The following U2AF2 variants were observed in gnomAD, a reference collection of about 807,000 sequenced individuals.
U2AF2 encodes U2 small nuclear RNA auxiliary factor 2.
U2AF2 carries 6 observed loss-of-function variants against 52.6 expected under a neutral mutation model. That is an observed-to-expected ratio of 0.11 (90% CI 0.06 to 0.23). The LOEUF is 0.23. Among genes scored for constraint, U2AF2 ranks in the 10% least tolerant of loss-of-function variants. U2AF2 has a pLI of 1.00. For missense variants in U2AF2, 222 were observed against 677.1 expected (o/e 0.33, Z 7.46); for synonymous variants, 284 against 258.2 (o/e 1.10, Z -0.96).
chr19:55,666,554 G>C (rs893365715), intron 7 of U2AF2, among the ~76,000 whole-genome samples: 4 of 152,230 alleles, frequency 2.6e-5, no homozygotes, highest in African/African-American at 9.6e-5. Flanking sequence ...CGGGCCATGG[G>C]GACTGCCGTG....
At chr19:55,673,259 C>G (rs1385890584) in intron 11 of U2AF2, among the ~76,000 whole-genome samples, 1 of 151,744 alleles carries the variant, frequency 6.6e-6, no homozygotes, top group East Asian at 1.9e-4. Context: ...GGATCCATAT[C>G]AGGTCCCTGC....
intron 11 of U2AF2, among the ~76,000 whole-genome samples, chr19:55,672,808 A>T (rs1043708264): frequency 2.7e-5 from 4 of 149,632 alleles, no homozygotes; most frequent in Admixed American, 2.0e-4. Flanking sequence ...CACCTGGTTA[A>T]TTTTTTTTGT....
chr19:55,671,011 T>C (rs1266772920), intron 11 of U2AF2, among the ~76,000 whole-genome samples: 4 of 152,192 alleles, frequency 2.6e-5, no homozygotes, highest in Admixed American at 6.5e-5. Flanking sequence ...CAAGGCTGGC[T>C]CTGCAGGGCC....
At chr19:55,660,155 AC>A in intron 2 of U2AF2, 21 bp from the exon 3 acceptor site, 1 of 1,576,474 alleles carries the variant, frequency 6.3e-7, no homozygotes, top group South Asian at 1.1e-5. Context: ...CCCTCCCCAT[AC>A]CTTTCCCTCC....
At chr19:55,661,533 CACACACACAG>C (rs775484458) in intron 5 of U2AF2, among the ~76,000 whole-genome samples, 1 of 149,388 alleles carries the variant, frequency 6.7e-6, no homozygotes, top group Non-Finnish European at 1.5e-5. Flanking sequence ...CACACACACA[CACACACACAG>C]ACGCACGCTG....
rs1983984633 is a variant in U2AF2, at chr19:55,659,075, C to T, written c.50-135C>T. ...TGTGGACCCAGGAGGCCTGTTAATT[C>T]CCTTCCTCCATTGAATCCCTTCCCT... On this transcript the variant is annotated intron_variant, in intron 1 of 11. Coordinates refer to ENST00000308924, the MANE Select transcript of U2AF2 (RefSeq NM_007279.3). 3.0e-6 allele frequency: 4 copies of T among 1,314,954 alleles called. No individual in the cohort carries two copies. In the South Asian group the frequency reaches 6.0e-5, roughly 20 times the overall value. 81.5% of individuals were successfully genotyped at this position (1,314,954 alleles called of 1,614,324 possible). A position where few individuals can be genotyped will look rare whatever the true frequency, so the allele number is the denominator to read the frequency against.
chr19:55,662,813 T>C (rs1270435024), intron 6 of U2AF2, among the ~76,000 whole-genome samples, 195 bp downstream of exon 6: 1 of 152,182 alleles, frequency 6.6e-6, no homozygotes, highest in Non-Finnish European at 1.5e-5. Flanking sequence ...ATTTGCTTTC[T>C]GTGTGACCTG....
At chr19:55,673,832 T>C in intron 11 of U2AF2, 102 bp from the exon 12 acceptor site, 1 of 1,488,242 alleles carries the variant, frequency 6.7e-7, no homozygotes, top group Non-Finnish European at 9.0e-7. Context: ...CGAAGCCCCC[T>C]CCTCCCTGTC....
In U2AF2 at chr19:55,668,610, A is replaced by T; in HGVS notation, c.822+24A>T. On this transcript the variant is annotated intron_variant, in intron 8 of 11. Coordinates refer to ENST00000308924, the MANE Select transcript of U2AF2 (RefSeq NM_007279.3). This position sits in a 1 kb window ranked among gnomAD's most constrained non-coding sequence, Gnocchi z 5.5. ...AGGTAACTTCCCTGCCTCCCTCCAG[A>T]CCCGTCCCCCCACCCCGCCCCACCT... 6.3e-7 allele frequency: 1 copy of T among 1,596,916 alleles called. No homozygotes were observed. The highest frequency in any genetic ancestry group is 8.6e-7 in the Non-Finnish European group (1 of 1,168,236).
At position 55,661,107 on chromosome 19, in the gene U2AF2, C is replaced by T. The variant is rs142137183; in HGVS notation, c.404C>T (p.Thr135Met). The T allele has an allele frequency of 6.2e-7, 1 of 1,612,742 alleles. No individual in the cohort carries two copies. Residue 135 changes from threonine to methionine, a missense_variant, in exon 5 of 12, where the codon ACG becomes ATG. This residue lies in a region of U2AF2 where 35 missense variants were observed against 149.3 expected (regional missense o/e 0.23). Transcript: ENST00000308924. ...CCTGACGGTCTGGCTGTGACCCCAA[C>T]GCCGGTGCCCGTGGTCGGGAGCCAG... Reference protein sequence around the residue: ...MTPDGLAVTPTPVPVVGSQMT... With the variant: ...MTPDGLAVTPMPVPVVGSQMT...
chr19:55,662,369 TC>T (rs376533155), intron 5 of U2AF2, 132 bp from the exon 6 acceptor site: 1,644 of 141,466 alleles, frequency 0.012, 46 homozygotes, highest in African/African-American at 0.051. Context: ...CACTGTTCCT[TC>T]CCCCCCTCCT....
chr19:55,656,043 AC>A (rs1156413372), intron 1 of U2AF2, among the ~76,000 whole-genome samples: 2 of 152,198 alleles, frequency 1.3e-5, no homozygotes. Context: ...CTCTTCACTT[AC>A]GGGGAAGGTG....
rs762898483 is a variant in U2AF2 at position 55,669,742 on chromosome 19, C to T, written c.1293+50C>T. The stretch of plus-strand genomic sequence containing the variant: ...TCTCTCACCCTCTGCCCCTCCTCTT[C>T]TCCGCGCCCTCTTTCTTCCTCTCTT... On this transcript the variant is annotated intron_variant, in intron 11 of 11. Coordinates refer to ENST00000308924, the MANE Select transcript of U2AF2 (RefSeq NM_007279.3). The T allele has an allele frequency of 3.3e-6, 5 of 1,524,354 alleles. No homozygotes were observed. The East Asian group carries it at 9.3e-5, about 28-fold the overall frequency. The allele number at this position is 1,524,354 out of a possible 1,614,324, so 94.4% of individuals were successfully genotyped here.
chr19:55,659,810 CTT>C (rs1051648133), intron 2 of U2AF2, among the ~76,000 whole-genome samples: 3 of 152,096 alleles, frequency 2.0e-5, no homozygotes, highest in African/African-American at 7.2e-5. Context: ...CCTGGGCTGA[CTT>C]TTTGGCCCAG....
At position 55,660,551 on chromosome 19, in the gene U2AF2, G is replaced by A. The variant is rs747477994; in HGVS notation, c.266G>A (p.Arg89His). 2.0e-6 allele frequency: 3 copies of A among 1,503,480 alleles called. No individual in the cohort carries two copies. The highest frequency in any genetic ancestry group is 1.5e-5 in the African/African-American group (1 of 66,654). The allele number at this position is 1,503,480 out of a possible 1,614,324, so 93.1% of individuals were successfully genotyped here. The change falls in exon 4 of 12, where the codon CGT becomes CAT. Residue 89 changes from arginine (R) to histidine (H), a missense_variant. Transcript: ENST00000308924. Reference protein sequence around the residue: ...SPRHEKKKKVRKYWDVPPPGF... With the variant: ...SPRHEKKKKVHKYWDVPPPGF... ...CGCCACGAGAAGAAGAAGAAGGTCCGTAAATACTGGGACGTGCCACCCCCA... is the reference window on the plus strand; with the variant it reads ...CGCCACGAGAAGAAGAAGAAGGTCCATAAATACTGGGACGTGCCACCCCCA...
intron 5 of U2AF2, chr19:55,661,946 C>A: frequency 6.5e-6 from 1 of 153,590 alleles, no homozygotes. Flanking sequence ...CCCTCCCGTC[C>A]CTGCCCCTCC....
intron 3 of U2AF2, 97 bp downstream of exon 3, chr19:55,660,318 A>G: frequency 2.1e-6 from 3 of 1,395,886 alleles, no homozygotes; most frequent in South Asian, 2.6e-5. Flanking sequence ...GCCCTGGCCC[A>G]AGCACTGGGA....
intron 1 of U2AF2, 69 bp from the exon 2 acceptor site, chr19:55,659,141 C>T (rs565054968): frequency 3.5e-4 from 505 of 1,433,638 alleles, no homozygotes; most frequent in Middle Eastern, 9.5e-4. Context: ...TAGCCACCAG[C>T]GCGCAGGGTG....
intron 1 of U2AF2, among the ~76,000 whole-genome samples, chr19:55,657,793 C>CA (rs1983890007): frequency 1.3e-5 from 2 of 152,152 alleles, no homozygotes. Flanking sequence ...TCACTGATGT[C>CA]AGAGTGTTTA....
Sources: gnomAD v4.1 joint callset for allele counts (sites outside exome capture counted in the v4.1 genomes callset) on GRCh38, gnomAD v4.1.1 for gene constraint, gnomAD v4.1.1 regional missense constraint, Gnocchi (gnomAD v3.1) non-coding constraint, MANE v1.5 for transcripts, NCBI Gene and HGNC (gene_info 2026-07-23, HGNC 2026-07-21) for gene names.